Variants in CEP128 observed in about 807,000 individuals in gnomAD.
CEP128 encodes the protein centrosomal protein 128kDa.
In CEP128, 132 loss-of-function variants were observed where a neutral mutation model predicts 156.7. The ratio of observed to expected loss-of-function variants is 0.84; its 90% confidence interval spans 0.73 to 0.97. CEP128 has a LOEUF of 0.97. Among genes scored for constraint, CEP128 ranks in the 50% least tolerant of loss-of-function variants. The probability of loss-of-function intolerance (pLI) is 0.00; values close to 1 mark genes in which losing one functional copy is unlikely to be tolerated. For missense variants in CEP128, 1,252 were observed against 1,281.9 expected, an observed-to-expected ratio of 0.98 and a Z score of 0.36; for synonymous variants, 469 against 448.9, an observed-to-expected ratio of 1.04 and a Z score of -0.57.
chr14:80,486,324 A>G (rs7156699), downstream of CEP128, among the ~76,000 whole-genome samples: 72,999 of 151,626 alleles, frequency 0.48, 18,630 homozygotes, highest in East Asian at 0.69. Flanking sequence ...AGAGAAAAAA[A>G]AATAAAAAGA....
At chr14:80,556,295 T>C (rs116899933) in intron 21 of CEP128, among the ~76,000 whole-genome samples, 4,209 of 152,278 alleles carry the variant, frequency 0.028, 76 homozygotes, top group Non-Finnish European at 0.043. Context: ...GCCGTGCTTC[T>C]GGGGAATTTC....
chr14:80,899,007 C>A (rs796293586), intron 7 of CEP128, among the ~76,000 whole-genome samples: 9 of 152,204 alleles, frequency 5.9e-5, no homozygotes, highest in African/African-American at 2.2e-4. Context: ...CCCATTTCCT[C>A]ATCCATAAAA....
chr14:80,843,654 A>G (rs1886453859), intron 9 of CEP128, among the ~76,000 whole-genome samples: 1 of 152,090 alleles, frequency 6.6e-6, no homozygotes. Context: ...TTTAAGCTTA[A>G]CAGAATATGA....
chr14:80,684,277 C>T (rs996294495), intron 19 of CEP128, among the ~76,000 whole-genome samples: 3 of 151,960 alleles, frequency 2.0e-5, no homozygotes, highest in African/African-American at 7.3e-5. Context: ...CAGCCATTCT[C>T]ACAGAAATAC....
At chr14:80,756,751 G>T (rs1363925081) in intron 18 of CEP128, 141 bp downstream of exon 18, 33 of 612,564 alleles carry the variant, frequency 5.4e-5, no homozygotes, top group Non-Finnish European at 2.9e-6. Flanking sequence ...TCCCTAAGTG[G>T]ACTGCAGTGA....
intron 16 of CEP128, among the ~76,000 whole-genome samples, chr14:80,775,303 A>G (rs1191841627): frequency 6.6e-6 from 1 of 152,218 alleles, no homozygotes; most frequent in African/African-American, 2.4e-5. Flanking sequence ...CTATCTCTCA[A>G]AGAGAAAGTC....
At chr14:80,729,128 T>TGTGTG (rs1244814152) in intron 19 of CEP128, among the ~76,000 whole-genome samples, 12 of 123,888 alleles carry the variant, frequency 9.7e-5, no homozygotes, top group African/African-American at 1.7e-4. Context: ...TGTGTGTGTG[T>TGTGTG]TTACCCAGTG....
chr14:80,611,033 A>G (rs1892975402), intron 19 of CEP128, among the ~76,000 whole-genome samples: 1 of 152,132 alleles, frequency 6.6e-6, no homozygotes, highest in African/African-American at 2.4e-5. Context: ...ATATAAAAAT[A>G]GGAGCATGCA....
intron 21 of CEP128, among the ~76,000 whole-genome samples, chr14:80,550,812 T>TAAAA (rs35063739): frequency 7.3e-6 from 1 of 137,174 alleles, no homozygotes; most frequent in African/African-American, 2.6e-5. Context: ...ATGTGAAATG[T>TAAAA]AAAAAAAAAA....
Position 80,955,880 on chromosome 14 carries a change from C to T in CEP128, c.-172+2298G>A, listed in dbSNP as rs1283025089. On this transcript the variant is annotated intron_variant, in intron 2 of 7. Coordinates refer to the CEP128 transcript ENST00000555529. ...GTACCCGGGAGAGATCAGGGTAGGA[C>T]CCAGAGATCAAGGGCATCTGCAGAG... 3 of 1,613,958 alleles carry T rather than the reference C, an allele frequency of 1.9e-6. No homozygotes were observed. The South Asian group carries it at 3.3e-5, about 18-fold the overall frequency.
At chr14:80,700,320 C>T (rs1184253086) in intron 19 of CEP128, among the ~76,000 whole-genome samples, 1 of 152,024 alleles carries the variant, frequency 6.6e-6, no homozygotes, top group Non-Finnish European at 1.5e-5. Flanking sequence ...GGTTTTTGGA[C>T]TAAGCTGATG....
At chr14:80,624,491 TG>T (rs1893625776) in intron 19 of CEP128, among the ~76,000 whole-genome samples, 1 of 152,146 alleles carries the variant, frequency 6.6e-6, no homozygotes, top group Admixed American at 6.6e-5. Flanking sequence ...AGTTTTTTTG[TG>T]GAACTTCCGT....
At chr14:80,861,752 T>C (rs183427288) in intron 9 of CEP128, among the ~76,000 whole-genome samples, 52 of 152,316 alleles carry the variant, frequency 3.4e-4, no homozygotes, top group Non-Finnish European at 6.6e-4. Flanking sequence ...ATAAAACGTA[T>C]AGATTAAGCC....
intron 23 of CEP128, among the ~76,000 whole-genome samples, chr14:80,518,977 T>C (rs1888616429): frequency 6.6e-6 from 1 of 152,352 alleles, no homozygotes; most frequent in East Asian, 1.9e-4. Flanking sequence ...GGAACTTCTA[T>C]AAAAGTAAAT....
At chr14:80,540,179 C>T (rs1480537081) in intron 21 of CEP128, among the ~76,000 whole-genome samples, 2 of 148,878 alleles carry the variant, frequency 1.3e-5, no homozygotes, top group Non-Finnish European at 3.0e-5. Flanking sequence ...GATCTTTGTA[C>T]CTACTCCCTG....
intron 19 of CEP128, among the ~76,000 whole-genome samples, chr14:80,616,055 C>A (rs948020509): frequency 6.6e-6 from 1 of 152,168 alleles, no homozygotes; most frequent in African/African-American, 2.4e-5. Flanking sequence ...GAAACTAAAA[C>A]CACATCTGTG....
chr14:80,765,699 A>G (rs1213840358), intron 16 of CEP128, among the ~76,000 whole-genome samples: 1 of 152,198 alleles, frequency 6.6e-6, no homozygotes, highest in African/African-American at 2.4e-5. Context: ...TATGAGATCC[A>G]AGAAGAAAGA....
intron 19 of CEP128, among the ~76,000 whole-genome samples, chr14:80,604,822 T>A (rs1034729869): frequency 2.6e-5 from 4 of 152,140 alleles, no homozygotes; most frequent in African/African-American, 9.6e-5. Context: ...ATATACTTTT[T>A]CTGAAAGGTT....
intron 19 of CEP128, among the ~76,000 whole-genome samples, chr14:80,602,996 A>G (rs1892640408): frequency 6.6e-6 from 1 of 152,190 alleles, no homozygotes; most frequent in South Asian, 2.1e-4. Context: ...AACACGACAT[A>G]CTAAAATGTA....
Sources: allele counts gnomAD v4.1 joint callset (sites outside exome capture counted in the v4.1 genomes callset), GRCh38; gene constraint gnomAD v4.1.1; transcripts MANE v1.5; gene names NCBI Gene and HGNC (gene_info 2026-07-23, HGNC 2026-07-21).